DHRS12: variants seen among roughly 807,000 people sequenced by gnomAD.
The protein encoded by DHRS12 is dehydrogenase/reductase SDR family member 12.
In DHRS12, 29 loss-of-function variants were observed where a neutral mutation model predicts 32.1. The observed-to-expected ratio is 0.90, with a 90% CI of 0.67 to 1.23. The LOEUF (loss-of-function observed/expected upper bound fraction) is 1.23. Among genes scored for constraint, DHRS12 ranks in the 50% most tolerant of loss-of-function variants. DHRS12 has a pLI of 0.00. For synonymous variants in DHRS12, 150 were observed against 135.9 expected (o/e 1.10, Z -0.72); for missense variants, 330 against 337.2 (o/e 0.98, Z 0.17).
intron 4 of DHRS12, among the ~76,000 whole-genome samples, chr13:51,788,664 G>A (rs1424468377): frequency 6.6e-6 from 1 of 151,890 alleles, no homozygotes; most frequent in East Asian, 1.9e-4. Context: ...GGGCAACATA[G>A]TGAGACCCCC....
chr13:51,773,830 TA>T, intron 6 of DHRS12, 99 bp downstream of exon 6: 1 of 990,028 alleles, frequency 1.0e-6, no homozygotes, highest in Non-Finnish European at 1.6e-6. Flanking sequence ...CATGAACTAC[TA>T]AGGTCCGATT....
chr13:51,776,942 G>T, intron 5 of DHRS12, 118 bp downstream of exon 5: 1 of 1,118,522 alleles, frequency 8.9e-7, no homozygotes, highest in Non-Finnish European at 1.3e-6. Context: ...TTGAGGTTTT[G>T]CTGTGGATGT....
intron 7 of DHRS12, 61 bp from the exon 8 acceptor site, chr13:51,769,354 C>A (rs1274611471): frequency 6.4e-6 from 8 of 1,252,486 alleles, no homozygotes; most frequent in South Asian, 3.3e-5. Context: ...TGGTTGACTT[C>A]CCTTAATTTA....
chr13:51,784,527 C>T (rs117608673), intron 4 of DHRS12, among the ~76,000 whole-genome samples: 158 of 152,268 alleles, frequency 1.0e-3, no homozygotes, highest in Middle Eastern at 0.01. Context: ...GACTTTAATT[C>T]CAGGTTAAGG....
At chr13:51,802,280 G>A (rs1196075385) in intron 1 of DHRS12, among the ~76,000 whole-genome samples, 1 of 151,906 alleles carries the variant, frequency 6.6e-6, no homozygotes, top group Admixed American at 6.6e-5. Context: ...CGGTGCCAAA[G>A]GGCAGTCCCC....
downstream of DHRS12, chr13:51,764,684 T>TATC (rs2030711954): frequency 6.6e-6 from 1 of 152,234 alleles, no homozygotes. Context: ...ATTATAATAG[T>TATC]ATCAGTTTCT....
intron 2 of DHRS12, among the ~76,000 whole-genome samples, chr13:51,791,678 C>T (rs935650433): frequency 3.3e-5 from 5 of 152,162 alleles, no homozygotes; most frequent in South Asian, 2.1e-4. Flanking sequence ...TGACTAGGTA[C>T]AATGTTGTAC....
intron 1 of DHRS12, among the ~76,000 whole-genome samples, chr13:51,800,907 G>C (rs1217661091): frequency 6.6e-6 from 1 of 152,244 alleles, no homozygotes; most frequent in Non-Finnish European, 1.5e-5. Flanking sequence ...TCTGCTGTGA[G>C]TGGCAAGCAA....
chr13:51,758,884 G>A, the DHRS12 span, among the ~76,000 whole-genome samples: 1 of 152,144 alleles, frequency 6.6e-6, no homozygotes, highest in Non-Finnish European at 1.5e-5. Flanking sequence ...TTGAGAGGAA[G>A]TTTAAAATAA....
At chr13:51,802,456 A>T (rs1314587149) in intron 1 of DHRS12, among the ~76,000 whole-genome samples, 2 of 152,202 alleles carry the variant, frequency 1.3e-5, no homozygotes, top group African/African-American at 4.8e-5. Flanking sequence ...GGTGACAGGG[A>T]TGGGGAGGAG....
downstream of DHRS12, chr13:51,763,502 T>G (rs567376150): frequency 3.9e-5 from 6 of 152,354 alleles, no homozygotes; most frequent in Non-Finnish European, 8.8e-5. Flanking sequence ...CTGAGATTCA[T>G]TTTATAAAAG....
chr13:51,758,151 C>A, the DHRS12 span: 18 of 1,485,136 alleles, frequency 1.2e-5, no homozygotes, highest in Non-Finnish European at 1.5e-5. Context: ...ATTCATATGT[C>A]ACCACCTTTT....
chr13:51,797,986 A>G lies in DHRS12; in HGVS notation c.126+1548T>C, dbSNP rs577621877. 94 of 1,389,700 alleles carry G rather than the reference A, an allele frequency of 6.8e-5. No individual in the cohort carries two copies. The African/African-American group carries it at 1.2e-3, about 17-fold the overall frequency. The allele number at this position is 1,389,700 out of a possible 1,614,324, so 86.1% of individuals were successfully genotyped here. A position where few individuals can be genotyped will look rare whatever the true frequency, so the allele number is the denominator to read the frequency against. Reference sequence around the variant, plus strand: ...CAGCTCTTCCTAATGAAAAATGAAGACATATGGGCTCACAGTTGACACTCT... The same window carrying G: ...CAGCTCTTCCTAATGAAAAATGAAGGCATATGGGCTCACAGTTGACACTCT... On this transcript the variant is annotated intron_variant, in intron 2 of 8. Coordinates refer to ENST00000444610, the MANE Select transcript of DHRS12 (RefSeq NM_001377533.1).
Position 51,771,877 on chromosome 13 carries a change from TG to T in DHRS12, c.502del (p.Gln168LysfsTer21). On this transcript the variant is annotated frameshift_variant, in exon 7 of 9. Coordinates refer to ENST00000444610, the MANE Select transcript of DHRS12 (RefSeq NM_001377533.1). LOFTEE classifies it high-confidence loss of function. ...AGAAAAATGGATGGCCGGGTGCCCT[TG>T]GGCCCACCGCTCCGTCAGAACCACT... Reference protein sequence around the residue: ...QQVVLTERWAQGHPAIHFSSM... With the variant: ...QQVVLTERWAXGHPAIHFSSM... 1 of 1,614,092 alleles carries T rather than the reference TG, an allele frequency of 6.2e-7. No individual in the cohort carries two copies. Among genetic ancestry groups the T allele is most frequent in the Non-Finnish European group, 8.5e-7 (1 of 1,180,012 alleles).
In DHRS12 at chr13:51,790,097, A is replaced by C; in HGVS notation, c.220-5T>G. ...CATGCAACCTGCATTATTGATCTAA[A>C]ATTTATAGTTCTCATTTCAAAATAA... On this transcript the variant is annotated splice_region_variant and splice_polypyrimidine_tract_variant and intron_variant, in intron 3 of 8. Coordinates refer to ENST00000444610, the MANE Select transcript of DHRS12 (RefSeq NM_001377533.1). The C allele has an allele frequency of 6.4e-7, 1 of 1,569,858 alleles. No individual in the cohort carries two copies. Among genetic ancestry groups the C allele is most frequent in the Non-Finnish European group, 8.6e-7 (1 of 1,163,544 alleles).
chr13:51,765,266 C>CAGCA (rs1420813886), downstream of DHRS12: 9 of 152,320 alleles, frequency 5.9e-5, no homozygotes, highest in East Asian at 1.7e-3. Flanking sequence ...AACTTCAGCT[C>CAGCA]AGTTTCTTAA....
In DHRS12 at chr13:51,799,758, A is replaced by T. The variant is rs1955667711; in HGVS notation, c.-8-91T>A. The T allele has an allele frequency of 2.7e-6, 4 of 1,481,930 alleles. No individual in the cohort carries two copies. The East Asian group carries it at 6.9e-5, about 25-fold the overall frequency. 91.8% of individuals were successfully genotyped at this position (1,481,930 alleles called of 1,614,324 possible). A position where few individuals can be genotyped will look rare whatever the true frequency, so the allele number is the denominator to read the frequency against. ...AAAGCCTAATTCTAGGATGGGCATT[A>T]TTGCTGTCTCCGCCTCTCCCAACAC... On this transcript the variant is annotated intron_variant, in intron 1 of 8. Transcript: ENST00000444610.
At position 51,777,064 on chromosome 13, in the gene DHRS12, C is replaced by T. The variant is rs1390747293; in HGVS notation, c.359G>A (p.Arg120Gln). 4 of 1,614,014 alleles carry T rather than the reference C, an allele frequency of 2.5e-6. No individual in the cohort carries two copies. Among genetic ancestry groups the T allele is most frequent in the African/African-American group, 1.3e-5 (1 of 74,924 alleles). ...CATCCCATAAGGTCAACTCACCACTCGGGGGTCGTGTTCTTTCTCCAGCAC... is the reference window on the plus strand; with the variant it reads ...CATCCCATAAGGTCAACTCACCACTTGGGGGTCGTGTTCTTTCTCCAGCAC... ...IPVLEKEHDP[R>Q]VITVSSGGML... The change falls in exon 5 of 9, where the codon CGA becomes CAA. Residue 120 changes from arginine to glutamine, a missense_variant. Transcript: ENST00000444610.
At chr13:51,797,816 A>T in intron 2 of DHRS12, 2 of 1,534,622 alleles carry the variant, frequency 1.3e-6, no homozygotes, top group African/African-American at 2.7e-5. Flanking sequence ...AGGGGTGAGG[A>T]GCTGCTCACC....
Sources: allele counts gnomAD v4.1 joint callset (sites outside exome capture counted in the v4.1 genomes callset), GRCh38; gene constraint gnomAD v4.1.1; transcripts MANE v1.5; gene names NCBI Gene and HGNC (gene_info 2026-07-23, HGNC 2026-07-21).